Variants in NKAIN3 observed in about 807,000 individuals in gnomAD.
NKAIN3 encodes the protein sodium/potassium-transporting ATPase subunit beta-1-interacting protein 3.
In NKAIN3, 25 loss-of-function variants were observed where a neutral mutation model predicts 30.2. The observed-to-expected ratio is 0.83, with a 90% CI of 0.60 to 1.16. The LOEUF (loss-of-function observed/expected upper bound fraction) is 1.16, where lower values mean the gene tolerates loss of function less well. Ranked by LOEUF, NKAIN3 falls within the 50% of genes most tolerant of loss-of-function variation. The probability of loss-of-function intolerance (pLI) is 0.00; values close to 1 mark genes in which losing one functional copy is unlikely to be tolerated. For synonymous variants in NKAIN3, 91 were observed against 89.6 expected (o/e 1.02, Z -0.09); for missense variants, 225 against 254.1 (o/e 0.89, Z 0.78).
In NKAIN3 at chr8:62,965,690, A is replaced by G. The variant is rs1431586813; in HGVS notation, c.*283A>G. The G allele has an allele frequency of 1.0e-6, 1 of 982,760 alleles. No individual in the cohort carries two copies. Among genetic ancestry groups the G allele is most frequent in the Non-Finnish European group, 1.2e-6 (1 of 827,672 alleles). 60.9% of individuals were successfully genotyped at this position (982,760 alleles called of 1,614,324 possible). ...TAACAATATTTAATGTGAGGCATGC[A>G]AAATGAAAAAGCAAATCTGTGAAAA... On this transcript the variant is annotated 3_prime_UTR_variant, in exon 7 of 7. Coordinates refer to ENST00000623646, the MANE Select transcript of NKAIN3 (RefSeq NM_001304533.3).
chr8:62,749,685 T>C (rs1266288834), intron 4 of NKAIN3, among the ~76,000 whole-genome samples: 5 of 118,970 alleles, frequency 4.2e-5, no homozygotes, highest in South Asian at 2.4e-4. Flanking sequence ...TTTTCTTTTT[T>C]TTTTTTTTTT....
At chr8:62,765,858 C>T (rs1816820852) in intron 4 of NKAIN3, among the ~76,000 whole-genome samples, 1 of 151,880 alleles carries the variant, frequency 6.6e-6, no homozygotes, top group African/African-American at 2.4e-5. Context: ...CAGTACAAGA[C>T]TTTCTATAAG....
At chr8:62,853,556 C>A (rs1212330450) in intron 4 of NKAIN3, among the ~76,000 whole-genome samples, 1 of 151,862 alleles carries the variant, frequency 6.6e-6, no homozygotes, top group African/African-American at 2.4e-5. Context: ...GGTAATGTTC[C>A]CCTTATCATT....
chr8:62,640,783 T>C (rs1812283903), intron 3 of NKAIN3, among the ~76,000 whole-genome samples: 1 of 152,088 alleles, frequency 6.6e-6, no homozygotes, highest in Admixed American at 6.6e-5. Context: ...AAATTCTCCA[T>C]CTACTCAAAT....
intron 1 of NKAIN3, among the ~76,000 whole-genome samples, chr8:62,276,453 T>C (rs530179640): frequency 1.3e-5 from 2 of 152,288 alleles, no homozygotes; most frequent in African/African-American, 4.8e-5. Flanking sequence ...GCACTGGATA[T>C]AAGAAAAGAA....
intron 5 of NKAIN3, among the ~76,000 whole-genome samples, chr8:62,944,411 G>A (rs899910052): frequency 1.3e-5 from 2 of 152,048 alleles, no homozygotes; most frequent in African/African-American, 4.8e-5. Context: ...ATACATTTTA[G>A]AAATCAGCAT....
chr8:62,548,824 A>AT (rs1398093787), intron 1 of NKAIN3, among the ~76,000 whole-genome samples: 28 of 118,716 alleles, frequency 2.4e-4, no homozygotes, highest in African/African-American at 3.7e-4. Context: ...TATGATGAAC[A>AT]AATAAAATGA....
chr8:62,753,965 G>GT (rs1816369659), intron 4 of NKAIN3, among the ~76,000 whole-genome samples: 1 of 152,032 alleles, frequency 6.6e-6, no homozygotes, highest in African/African-American at 2.4e-5. Flanking sequence ...ACATGAAACA[G>GT]TTTTTTATGA....
intron 3 of NKAIN3, among the ~76,000 whole-genome samples, chr8:62,713,679 T>C (rs1051929333): frequency 2.0e-5 from 3 of 152,194 alleles, no homozygotes; most frequent in Admixed American, 1.3e-4. Context: ...ATATTGAGAC[T>C]TGTTATTTCT....
intron 1 of NKAIN3, among the ~76,000 whole-genome samples, chr8:62,535,715 A>G (rs1192194067): frequency 6.6e-6 from 1 of 152,188 alleles, no homozygotes; most frequent in Non-Finnish European, 1.5e-5. Flanking sequence ...ACCCTCCAGC[A>G]GCCTCCAGGT....
chr8:62,859,245 T>A (rs1382956909), intron 4 of NKAIN3, among the ~76,000 whole-genome samples: 3 of 152,140 alleles, frequency 2.0e-5, no homozygotes, highest in Non-Finnish European at 4.4e-5. Context: ...TTCTTCTCCA[T>A]GAGTTGGGTT....
At chr8:62,372,384 TAA>T (rs1816938646) in intron 1 of NKAIN3, among the ~76,000 whole-genome samples, 2 of 151,968 alleles carry the variant, frequency 1.3e-5, no homozygotes. Context: ...AGTAGAAAGT[TAA>T]GTCATTATTT....
chr8:62,703,370 G>A (rs1448592983), intron 3 of NKAIN3, among the ~76,000 whole-genome samples: 1 of 151,872 alleles, frequency 6.6e-6, no homozygotes, highest in Non-Finnish European at 1.5e-5. Context: ...ATTTTAGCAA[G>A]ATAATTATTA....
chr8:62,267,968 C>T (rs1326684974), intron 1 of NKAIN3, among the ~76,000 whole-genome samples: 1 of 152,116 alleles, frequency 6.6e-6, no homozygotes, highest in Non-Finnish European at 1.5e-5. Context: ...TTTTTGTCCT[C>T]AACTGATTGA....
chr8:62,770,268 T>C (rs1816971126), intron 4 of NKAIN3, among the ~76,000 whole-genome samples: 1 of 152,216 alleles, frequency 6.6e-6, no homozygotes, highest in Non-Finnish European at 1.5e-5. Context: ...ACAAATTGCC[T>C]GAGTTTTTAG....
chr8:62,622,939 T>A (rs1334997306), intron 3 of NKAIN3, among the ~76,000 whole-genome samples: 1 of 152,032 alleles, frequency 6.6e-6, no homozygotes, highest in Non-Finnish European at 1.5e-5. Context: ...AGTTAATTAA[T>A]TAAATTGTAT....
chr8:62,527,689 T>C (rs1463015338), intron 1 of NKAIN3, among the ~76,000 whole-genome samples: 2 of 152,166 alleles, frequency 1.3e-5, no homozygotes, highest in Non-Finnish European at 2.9e-5. Flanking sequence ...AAATGTATTA[T>C]TATATTTATC....
chr8:62,704,290 A>AT (rs1449513707), intron 3 of NKAIN3, among the ~76,000 whole-genome samples: 2 of 152,082 alleles, frequency 1.3e-5, no homozygotes, highest in Non-Finnish European at 2.9e-5. Flanking sequence ...CTAAAAGATC[A>AT]TTTTTTTCTG....
chr8:62,321,921 C>G (rs1226226750), intron 1 of NKAIN3, among the ~76,000 whole-genome samples: 18 of 152,176 alleles, frequency 1.2e-4, no homozygotes, highest in Non-Finnish European at 2.9e-5. Flanking sequence ...TGCCCTGCCC[C>G]CAGAGGTGGA....
Sources: allele counts gnomAD v4.1 joint callset (sites outside exome capture counted in the v4.1 genomes callset), GRCh38; gene constraint gnomAD v4.1.1; transcripts MANE v1.5; gene names NCBI Gene and HGNC (gene_info 2026-07-23, HGNC 2026-07-21).